GEMIN5: variants seen among roughly 807,000 people sequenced by gnomAD.
GEMIN5 encodes gem nuclear organelle associated protein 5.
Under a neutral mutation model 176.9 loss-of-function variants are expected in GEMIN5, and 124 were observed. The observed-to-expected ratio is 0.70, with a 90% CI of 0.61 to 0.81. The LOEUF (loss-of-function observed/expected upper bound fraction) is 0.81, where lower values mean the gene tolerates loss of function less well. GEMIN5 is among the 40% of genes least tolerant of loss of function. The pLI, the probability that GEMIN5 is intolerant of heterozygous loss-of-function variation, is 0.00. For missense variants in GEMIN5, 1,843 were observed against 1,814.6 expected, an observed-to-expected ratio of 1.02 and a Z score of -0.28; for synonymous variants, 673 against 665.2, an observed-to-expected ratio of 1.01 and a Z score of -0.18.
Position 154,924,545 on chromosome 5 carries a change from G to A in GEMIN5, c.1303C>T (p.His435Tyr), listed in dbSNP as rs761203843. Residue 435 changes from histidine to tyrosine, a missense_variant, in exon 9 of 28, where the codon CAC becomes TAC. His to Tyr is a moderately conservative substitution (Grantham distance 83, BLOSUM62 2). Transcript: ENST00000285873. ...GCTAAGCAACCTTCCTTGGTTGGGT[G>A]CCAGCACAGCTACAAAAAAAAGAGT... ...VKSKVTALCWHPTKEGCLAFG... is the reference protein window; with the variant it reads ...VKSKVTALCWYPTKEGCLAFG... 10 of 1,607,464 alleles carry A rather than the reference G, an allele frequency of 6.2e-6. No homozygotes were observed. The highest frequency in any genetic ancestry group is 8.5e-6 in the Non-Finnish European group (10 of 1,174,486).
At chr5:154,898,388 G>C (rs1763396688) in intron 23 of GEMIN5, 52 bp downstream of exon 23, 9 of 1,484,488 alleles carry the variant, frequency 6.1e-6, no homozygotes, top group Non-Finnish European at 8.5e-6. Context: ...GACTAGAAAA[G>C]GATTTGGGAC....
At chr5:154,905,700 G>GTTT (rs112942279) in intron 16 of GEMIN5, among the ~76,000 whole-genome samples, 8 of 139,048 alleles carry the variant, frequency 5.8e-5, no homozygotes, top group Admixed American at 1.4e-4. Flanking sequence ...TATTACTTTG[G>GTTT]TTTTTTTTTT....
chr5:154,898,113 C>T (rs567129276), intron 23 of GEMIN5, among the ~76,000 whole-genome samples: 1 of 152,094 alleles, frequency 6.6e-6, no homozygotes, highest in South Asian at 2.1e-4. Context: ...GTTGTCCAGG[C>T]TTGTCTCAAA....
intron 16 of GEMIN5, among the ~76,000 whole-genome samples, chr5:154,906,155 C>T (rs1262405546): frequency 6.6e-6 from 1 of 152,128 alleles, no homozygotes; most frequent in Non-Finnish European, 1.5e-5. Flanking sequence ...AAGCCATTAT[C>T]TTGGTAATTT....
intron 18 of GEMIN5, among the ~76,000 whole-genome samples, chr5:154,904,217 G>C (rs1763524330): frequency 6.6e-6 from 1 of 151,980 alleles, no homozygotes; most frequent in South Asian, 2.1e-4. Flanking sequence ...GAGATACTTA[G>C]GCCAACATAC....
chr5:154,918,301 TTG>T (rs1348189019), intron 11 of GEMIN5, among the ~76,000 whole-genome samples: 1 of 152,216 alleles, frequency 6.6e-6, no homozygotes, highest in East Asian at 1.9e-4. Context: ...GCCCATCAGC[TTG>T]GACAATGTGG....
At chr5:154,926,219 G>GAA in intron 7 of GEMIN5, 145 bp from the exon 8 acceptor site, 4 of 514,900 alleles carry the variant, frequency 7.8e-6, no homozygotes, top group East Asian at 3.2e-5. Flanking sequence ...GCACTGCTAA[G>GAA]AAAAAAAAAA....
At chr5:154,896,400 T>C in intron 23 of GEMIN5, 57 bp from the exon 24 acceptor site, 1 of 1,494,866 alleles carries the variant, frequency 6.7e-7, no homozygotes, top group South Asian at 1.4e-5. Flanking sequence ...CTGGATGATC[T>C]CGAGAGCTCT....
rs1261671353 is a variant in GEMIN5, at chr5:154,911,915, A to G, written c.1996-17T>C. ...ATCCCACACCTAAACCCAAAAGCAC[A>G]TGGCCGAAAAGACATTTTCTGGTTA... On this transcript the variant is annotated splice_polypyrimidine_tract_variant and intron_variant, in intron 14 of 27. Transcript: ENST00000285873. 2 of 1,605,930 alleles carry G rather than the reference A, an allele frequency of 1.2e-6. No individual in the cohort carries two copies. The highest frequency in any genetic ancestry group is 2.2e-5 in the East Asian group (1 of 44,774).
At chr5:154,910,114 T>C (rs1287304489) in intron 15 of GEMIN5, among the ~76,000 whole-genome samples, 3 of 152,092 alleles carry the variant, frequency 2.0e-5, no homozygotes, top group Non-Finnish European at 1.5e-5. Flanking sequence ...CTTCTTTTTA[T>C]TGTGGAATAG....
chr5:154,888,469 T>C (rs1404872875), intron 27 of GEMIN5, 92 bp from the exon 28 acceptor site: 16 of 1,037,092 alleles, frequency 1.5e-5, no homozygotes, highest in Non-Finnish European at 2.1e-5. Context: ...CAGGTTCATC[T>C]ATAGACACTT....
intron 10 of GEMIN5, among the ~76,000 whole-genome samples, chr5:154,921,044 AT>A (rs1456350720): frequency 2.9e-4 from 44 of 152,236 alleles, no homozygotes; most frequent in African/African-American, 1.1e-3. Flanking sequence ...AGTGAAGAAT[AT>A]TAGACTGGGT....
At chr5:154,923,649 TTTTGA>T (rs1763970950) in intron 9 of GEMIN5, among the ~76,000 whole-genome samples, 4 of 152,256 alleles carry the variant, frequency 2.6e-5, no homozygotes, top group South Asian at 2.1e-4. Context: ...TAAAACATTC[TTTTGA>T]TTTTTCTCCA....
intron 27 of GEMIN5, among the ~76,000 whole-genome samples, 154 bp downstream of exon 27, chr5:154,889,167 C>T (rs1263327306): frequency 1.4e-5 from 2 of 143,938 alleles, no homozygotes; most frequent in East Asian, 1.9e-4. Context: ...TGAGCCACCA[C>T]GCCCAGCCTG....
intron 9 of GEMIN5, among the ~76,000 whole-genome samples, chr5:154,923,378 C>G (rs186447861): frequency 1.3e-5 from 2 of 150,626 alleles, no homozygotes; most frequent in Admixed American, 1.3e-4. Context: ...GAAACTCTGT[C>G]TCCAAAAAAA....
intron 27 of GEMIN5, among the ~76,000 whole-genome samples, chr5:154,888,686 T>C (rs1561705650): frequency 1.3e-5 from 2 of 152,188 alleles, no homozygotes; most frequent in Admixed American, 6.5e-5. Flanking sequence ...AAAAGACCTG[T>C]CCATCTGTAA....
chr5:154,912,773 A>G (rs1763729628), intron 14 of GEMIN5, 126 bp downstream of exon 14: 2 of 803,752 alleles, frequency 2.5e-6, no homozygotes, highest in African/African-American at 3.5e-5. Flanking sequence ...CCTAGAGCCC[A>G]GAAAATCTCC....
In GEMIN5 at chr5:154,924,491, A is replaced by G. The variant is rs1243071191; in HGVS notation, c.1357T>C (p.Leu453=). ...TACTTGTTGGAGTAGGTGTCATACA[A>G]TCCCACTTTTCCATCATCAGTTCCA... The part of the protein sequence containing the change: ...AFGTDDGKVG[L]YDTYSNKPPQ... The change falls in exon 9 of 28, where the codon TTG becomes CTG. Residue 453 remains leucine, a synonymous_variant. Transcript: ENST00000285873. 2 of 1,610,460 alleles carry G rather than the reference A, an allele frequency of 1.2e-6. No individual in the cohort carries two copies. Among genetic ancestry groups the G allele is most frequent in the South Asian group, 2.2e-5 (2 of 90,972 alleles).
chr5:154,932,233 A>G lies in GEMIN5; in HGVS notation c.527T>C (p.Val176Ala). Residue 176 changes from valine (V) to alanine (A), a missense_variant, in exon 4 of 28, where the codon GTG (valine) becomes GCG (alanine). Coordinates refer to ENST00000285873, the MANE Select transcript of GEMIN5 (RefSeq NM_015465.5). Reference protein sequence around the residue: ...LVAIGYKDGIVVIIDISKKGE... With the variant: ...LVAIGYKDGIAVIIDISKKGE... Reference sequence around the variant, plus strand: ...TTTCTTACTGATGTCAATTATCACCACTATGCCATCCTTGTAGCTAAAAAA... The same window carrying G: ...TTTCTTACTGATGTCAATTATCACCGCTATGCCATCCTTGTAGCTAAAAAA... The G allele has an allele frequency of 6.2e-7, 1 of 1,608,626 alleles. No homozygotes were observed. The highest frequency in any genetic ancestry group is 8.5e-7 in the Non-Finnish European group (1 of 1,175,928).
Sources: allele counts gnomAD v4.1 joint callset (sites outside exome capture counted in the v4.1 genomes callset), GRCh38; gene constraint gnomAD v4.1.1; transcripts MANE v1.5; gene names NCBI Gene and HGNC (gene_info 2026-07-23, HGNC 2026-07-21).